The following ANO10 variants were observed in gnomAD, a reference collection of about 807,000 sequenced individuals.
The protein encoded by ANO10 is anoctamin-10.
In ANO10, 77 loss-of-function variants were observed where a neutral mutation model predicts 74.7. That is an observed-to-expected ratio of 1.03 (90% CI 0.86 to 1.25). The LOEUF (loss-of-function observed/expected upper bound fraction) is 1.25, where lower values mean the gene tolerates loss of function less well. Among genes scored for constraint, ANO10 ranks in the 50% most tolerant of loss-of-function variants. ANO10 has a pLI of 0.00. For synonymous variants in ANO10, 279 were observed against 284.9 expected (o/e 0.98, Z 0.21); for missense variants, 721 against 778.1 (o/e 0.93, Z 0.87).
chr3:43,589,965 T>C (rs2149444060), intron 4 of ANO10, among the ~76,000 whole-genome samples: 1 of 152,310 alleles, frequency 6.6e-6, no homozygotes, highest in Admixed American at 6.5e-5. Flanking sequence ...AGAATTTCTC[T>C]AAGGTTATAT....
chr3:43,388,928 T>C (rs1208334612), intron 12 of ANO10, among the ~76,000 whole-genome samples: 2 of 152,248 alleles, frequency 1.3e-5, no homozygotes, highest in Non-Finnish European at 1.5e-5. Flanking sequence ...CTGTACTATA[T>C]ACTGAGAGCA....
At chr3:43,434,189 T>C (rs2093032922) in intron 11 of ANO10, among the ~76,000 whole-genome samples, 1 of 152,088 alleles carries the variant, frequency 6.6e-6, no homozygotes. Context: ...AGACAAAGAA[T>C]AGACCAGGGA....
chr3:43,641,794 A>T (rs1006738390), intron 1 of ANO10, among the ~76,000 whole-genome samples: 1 of 152,146 alleles, frequency 6.6e-6, no homozygotes, highest in South Asian at 2.1e-4. Context: ...GTTTTGTTTC[A>T]TCTTCAGAAT....
At chr3:43,466,962 C>A (rs1236963633) in intron 11 of ANO10, among the ~76,000 whole-genome samples, 3 of 152,102 alleles carry the variant, frequency 2.0e-5, no homozygotes, top group African/African-American at 7.2e-5. Flanking sequence ...AGAATGTTCA[C>A]AAATAGTATG....
chr3:43,685,281 T>C (rs1047915459), intron 1 of ANO10, among the ~76,000 whole-genome samples: 3 of 152,220 alleles, frequency 2.0e-5, no homozygotes, highest in Admixed American at 6.5e-5. Context: ...TCAATTTTAT[T>C]AATCCCAAGG....
At chr3:43,644,487 C>G (rs570735174) in intron 1 of ANO10, among the ~76,000 whole-genome samples, 59 of 152,322 alleles carry the variant, frequency 3.9e-4, no homozygotes, top group African/African-American at 1.4e-3. Context: ...AGGAACAATG[C>G]ACGCACAGTG....
chr3:43,683,668 G>T (rs1315414241), intron 1 of ANO10, among the ~76,000 whole-genome samples: 3 of 152,190 alleles, frequency 2.0e-5, no homozygotes, highest in African/African-American at 7.2e-5. Flanking sequence ...CATGCTACCT[G>T]ACCTCAAACT....
At chr3:43,629,402 T>C (rs1174940367) in intron 1 of ANO10, among the ~76,000 whole-genome samples, 2 of 152,252 alleles carry the variant, frequency 1.3e-5, no homozygotes, top group East Asian at 3.8e-4. Context: ...TTCTTAGTAA[T>C]TGTGAGTTTT....
chr3:43,666,737 T>C (rs541033942), intron 1 of ANO10, among the ~76,000 whole-genome samples: 36 of 152,284 alleles, frequency 2.4e-4, no homozygotes, highest in African/African-American at 8.4e-4. Context: ...TGCCAGCAGA[T>C]TTGCCATCTG....
intron 11 of ANO10, among the ~76,000 whole-genome samples, chr3:43,526,984 T>C (rs1290408910): frequency 4.0e-5 from 6 of 151,326 alleles, no homozygotes; most frequent in Non-Finnish European, 8.8e-5. Flanking sequence ...CACACACACA[T>C]ATGGTACATA....
rs1462809340 is a variant in ANO10 at position 43,621,921 on chromosome 3, CG to C, written c.-25del. The C allele has an allele frequency of 1.3e-5, 2 of 152,514 alleles. No homozygotes were observed. The highest frequency in any genetic ancestry group is 4.8e-5 in the African/African-American group (2 of 41,466). The allele number at this position is 152,514 out of a possible 1,614,324, so 9.4% of individuals were successfully genotyped here. A position where few individuals can be genotyped will look rare whatever the true frequency, so the allele number is the denominator to read the frequency against. On this transcript the variant is annotated 5_prime_UTR_variant, in exon 1 of 13. Coordinates refer to ENST00000292246, the MANE Select transcript of ANO10 (RefSeq NM_018075.5). ...CTCCCCGACTCACCAGCCGCCGCAG[CG>C]CTCCACGTCTTCGGAGGCGGGTCCG...
chr3:43,654,992 C>G (rs2083831303), intron 1 of ANO10, among the ~76,000 whole-genome samples: 1 of 152,186 alleles, frequency 6.6e-6, no homozygotes. Context: ...TTCTTAGAAG[C>G]AAAATATAGG....
At chr3:43,411,941 C>T (rs2092671897) in intron 12 of ANO10, among the ~76,000 whole-genome samples, 5 of 151,484 alleles carry the variant, frequency 3.3e-5, no homozygotes, top group Admixed American at 3.3e-4. Flanking sequence ...TTGATTTGAG[C>T]TCCCTGTGCC....
chr3:43,445,912 C>T (rs565807144), intron 11 of ANO10, among the ~76,000 whole-genome samples: 11 of 152,210 alleles, frequency 7.2e-5, no homozygotes, highest in African/African-American at 2.4e-4. Context: ...GTTGCCCAGG[C>T]TGGTCTTGAA....
chr3:43,686,050 C>T (rs1387739778), intron 1 of ANO10, among the ~76,000 whole-genome samples: 1 of 152,156 alleles, frequency 6.6e-6, no homozygotes, highest in Non-Finnish European at 1.5e-5. Flanking sequence ...ATCAGAATCT[C>T]TTGTCTCTGG....
At chr3:43,396,068 ATTT>A (rs2092373215) in intron 12 of ANO10, among the ~76,000 whole-genome samples, 2 of 149,076 alleles carry the variant, frequency 1.3e-5, no homozygotes, top group African/African-American at 4.9e-5. Context: ...TTATTAATTT[ATTT>A]ATTTATTTTT....
intron 1 of ANO10, among the ~76,000 whole-genome samples, chr3:43,658,884 G>T (rs1047945573): frequency 6.6e-6 from 1 of 152,148 alleles, no homozygotes; most frequent in Admixed American, 6.5e-5. Context: ...ATTGAGTGGG[G>T]TTCTATAAAG....
intron 11 of ANO10, among the ~76,000 whole-genome samples, chr3:43,452,478 G>A (rs2074921043): frequency 6.6e-6 from 1 of 152,176 alleles, no homozygotes; most frequent in Admixed American, 6.5e-5. Context: ...GTGTTTTCAA[G>A]TTTCATCCAT....
At chr3:43,581,345 T>C (rs1477690912) in intron 4 of ANO10, among the ~76,000 whole-genome samples, 1 of 152,200 alleles carries the variant, frequency 6.6e-6, no homozygotes, top group African/African-American at 2.4e-5. Context: ...ATTTGACTAG[T>C]ATGGTTTGAA....
Sources: allele counts gnomAD v4.1 joint callset (sites outside exome capture counted in the v4.1 genomes callset), GRCh38; gene constraint gnomAD v4.1.1; transcripts MANE v1.5; gene names NCBI Gene and HGNC (gene_info 2026-07-23, HGNC 2026-07-21).